Variants in SKP2 observed in about 807,000 individuals in gnomAD.
The protein encoded by SKP2 is S-phase kinase associated protein 2.
SKP2 carries 16 observed loss-of-function variants against 51.8 expected under a neutral mutation model. The ratio of observed to expected loss-of-function variants is 0.31; its 90% CI spans 0.21 to 0.47. The LOEUF is 0.47. SKP2 is among the 20% of genes least tolerant of loss of function. The pLI is 1.00. For synonymous variants in SKP2, 176 were observed against 198.6 expected (o/e 0.89, Z 0.96); for missense variants, 377 against 505.3 (o/e 0.75, Z 2.43).
chr5:36,170,350 C>T lies in SKP2; in HGVS notation c.678C>T (p.Leu226=), dbSNP rs1375793050. ...LRLSDPIVNT[L]AKNSNLVRLN... is the part of the protein sequence containing the mutation. ...CGTTTTTCTCTTTTTCCAGTACTCT[C>T]GCAAAAAACTCAAATTTAGTGCGAC... Residue 226 remains leucine (L), a synonymous_variant, in exon 6 of 10, where the codon CTC becomes CTT. Coordinates refer to ENST00000274255, the MANE Select transcript of SKP2 (RefSeq NM_005983.4). 1.3e-5 allele frequency: 21 copies of T among 1,605,574 alleles called. No individual in the cohort carries two copies. The highest frequency in any genetic ancestry group is 1.7e-5 in the Non-Finnish European group (20 of 1,173,562).
downstream of SKP2, among the ~76,000 whole-genome samples, chr5:36,186,874 C>T (rs1264028165): frequency 1.3e-5 from 2 of 151,998 alleles, no homozygotes; most frequent in South Asian, 2.1e-4. Context: ...ATCTGGTCCT[C>T]GACTTTTTTT....
chr5:36,174,030 A>G (rs574682513), intron 7 of SKP2, among the ~76,000 whole-genome samples: 1 of 152,228 alleles, frequency 6.6e-6, no homozygotes, highest in Non-Finnish European at 1.5e-5. Flanking sequence ...AGACATGTAC[A>G]GCATGTGGAA....
At chr5:36,187,059 A>G (rs1219922963), downstream of SKP2, among the ~76,000 whole-genome samples, 2 of 152,086 alleles carry the variant, frequency 1.3e-5, no homozygotes, top group Non-Finnish European at 2.9e-5. Flanking sequence ...CTCTGATGGT[A>G]GTTTGTATTT....
downstream of SKP2, among the ~76,000 whole-genome samples, chr5:36,184,565 A>C (rs1745922618): frequency 6.6e-6 from 1 of 152,134 alleles, no homozygotes; most frequent in Non-Finnish European, 1.5e-5. Flanking sequence ...TTCCAGCTTC[A>C]TCCATGTCCC....
At chr5:36,154,416 A>C (rs1744873820) in intron 2 of SKP2, among the ~76,000 whole-genome samples, 1 of 152,140 alleles carries the variant, frequency 6.6e-6, no homozygotes, top group Non-Finnish European at 1.5e-5. Flanking sequence ...GGGGGAGATC[A>C]GGCTGGAGGT....
chr5:36,189,467 G>T (rs748282087), intron 6 of SKP2, among the ~76,000 whole-genome samples: 1 of 152,208 alleles, frequency 6.6e-6, no homozygotes. Context: ...ACGTCTGTTG[G>T]AGTTTGCTGG....
Position 36,176,987 on chromosome 5 carries a change from A to G in SKP2, c.924A>G (p.Arg308=). Residue 308 remains arginine, a synonymous_variant, in exon 8 of 10, where the codon AGA becomes AGG. Coordinates refer to ENST00000274255, the MANE Select transcript of SKP2 (RefSeq NM_005983.4). ...TAGATCTCTCTACTTTAGTTAGAAG[A>G]TGCCCCAATCTTGTCCATCTAGACT... ...QKSDLSTLVR[R]CPNLVHLDLS... is the part of the protein sequence containing the mutation. 1 of 1,599,826 alleles carries G rather than the reference A, an allele frequency of 6.3e-7. No homozygotes were observed. The highest frequency in any genetic ancestry group is 8.5e-7 in the Non-Finnish European group (1 of 1,170,948).
intron 6 of SKP2, among the ~76,000 whole-genome samples, chr5:36,191,208 A>G (rs1390155013): frequency 6.6e-6 from 1 of 152,150 alleles, no homozygotes; most frequent in Non-Finnish European, 1.5e-5. Flanking sequence ...TCCCCCACCC[A>G]GGAGATACTT....
intron 2 of SKP2, among the ~76,000 whole-genome samples, chr5:36,154,767 C>G (rs1030100884): frequency 6.6e-6 from 1 of 152,182 alleles, no homozygotes; most frequent in Admixed American, 6.5e-5. Context: ...TCTCAAACTC[C>G]TGGACTCAGG....
intron 6 of SKP2, among the ~76,000 whole-genome samples, chr5:36,191,307 A>T (rs1442500280): frequency 6.6e-6 from 1 of 152,194 alleles, no homozygotes; most frequent in African/African-American, 2.4e-5. Context: ...TAACCATCCG[A>T]AAACAGGAAA....
In SKP2 at chr5:36,166,502, T is replaced by C. The variant is rs1374860369; in HGVS notation, c.393-17T>C. The C allele has an allele frequency of 2.5e-6, 4 of 1,613,240 alleles. No individual in the cohort carries two copies. In the South Asian group the frequency reaches 4.4e-5, roughly 18 times the overall value. On this transcript the variant is annotated splice_polypyrimidine_tract_variant and intron_variant, in intron 3 of 9. Coordinates refer to ENST00000274255, the MANE Select transcript of SKP2 (RefSeq NM_005983.4). ...AGTGTGACCGACTGGCCAAATTAAG[T>C]ATCTCCTCTTTTATAGGTCTGATGA...
At position 36,152,176 on chromosome 5, in the gene SKP2, A is replaced by T; in HGVS notation, c.-87A>T. 2.1e-6 allele frequency: 3 copies of T among 1,449,438 alleles called. No homozygotes were observed. In the South Asian group the frequency reaches 3.4e-5, roughly 17 times the overall value. The allele number at this position is 1,449,438 out of a possible 1,614,324, so 89.8% of individuals were successfully genotyped here. On this transcript the variant is annotated 5_prime_UTR_variant, in exon 1 of 10. Transcript: ENST00000274255. ...CTGGGGGCCCGAGCAGCACGCTCGG[A>T]GCCGCCGCGCGCCAAAGCGGGAATC... is the stretch of plus-strand genomic sequence containing the variant.
In SKP2 at chr5:36,152,981, A is replaced by C; in HGVS notation, c.219A>C (p.Lys73Asn). 6.2e-7 allele frequency: 1 copy of C among 1,614,146 alleles called. No homozygotes were observed. The highest frequency in any genetic ancestry group is 8.5e-7 in the Non-Finnish European group (1 of 1,180,028). Residue 73 changes from lysine to asparagine, a missense_variant, in exon 2 of 10, where the codon AAA becomes AAC. Coordinates refer to ENST00000274255, the MANE Select transcript of SKP2 (RefSeq NM_005983.4). Reference sequence around the variant, plus strand: ...CCCCACGGAAACGGCTGAAGAGCAAAGGGAGTGACAAAGACTTTGTGATTG... The same window carrying C: ...CCCCACGGAAACGGCTGAAGAGCAACGGGAGTGACAAAGACTTTGTGATTG... ...ESPPRKRLKS[K>N]GSDKDFVIVR...
At chr5:36,161,329 C>T (rs1335144409) in intron 2 of SKP2, among the ~76,000 whole-genome samples, 1 of 148,732 alleles carries the variant, frequency 6.7e-6, no homozygotes, top group Admixed American at 6.7e-5. Flanking sequence ...TTCTCAAGAG[C>T]TCCTGGGGGT....
chr5:36,160,966 C>T (rs1561533040), intron 2 of SKP2, among the ~76,000 whole-genome samples: 2 of 152,096 alleles, frequency 1.3e-5, no homozygotes, highest in Non-Finnish European at 2.9e-5. Flanking sequence ...GCTAGGGGAA[C>T]AGGCATTCAT....
At chr5:36,153,424 C>T (rs1744824469) in intron 2 of SKP2, among the ~76,000 whole-genome samples, 1 of 152,030 alleles carries the variant, frequency 6.6e-6, no homozygotes, top group African/African-American at 2.4e-5. Context: ...GATCTTTTTG[C>T]CTTAATCACT....
intron 7 of SKP2, among the ~76,000 whole-genome samples, chr5:36,172,414 T>G (rs77268088): frequency 6.6e-6 from 1 of 152,170 alleles, no homozygotes; most frequent in African/African-American, 2.4e-5. Flanking sequence ...CAGTTACGCT[T>G]TATTTTACTT....
intron 9 of SKP2, among the ~76,000 whole-genome samples, chr5:36,178,203 T>C (rs1416510582): frequency 6.6e-6 from 1 of 152,196 alleles, no homozygotes; most frequent in Non-Finnish European, 1.5e-5. Context: ...CAACATGTCT[T>C]GAATGCGGCT....
intron 3 of SKP2, 113 bp downstream of exon 3, chr5:36,163,869 C>A: frequency 1.5e-6 from 1 of 667,950 alleles, no homozygotes; most frequent in South Asian, 1.7e-5. Context: ...CAGCGCAAAG[C>A]AAACTAGGTA....
Sources: allele counts gnomAD v4.1 joint callset (sites outside exome capture counted in the v4.1 genomes callset), GRCh38; gene constraint gnomAD v4.1.1; transcripts MANE v1.5; gene names NCBI Gene and HGNC (gene_info 2026-07-23, HGNC 2026-07-21).